CPNE4: variants seen among roughly 807,000 people sequenced by gnomAD.
CPNE4 encodes copine 4.
CPNE4 carries 25 observed loss-of-function variants against 67.9 expected under a neutral mutation model. The observed-to-expected ratio is 0.37, with a 90% CI of 0.27 to 0.51. CPNE4 has a LOEUF of 0.51. Among genes scored for constraint, CPNE4 ranks in the 20% least tolerant of loss-of-function variants. The pLI is 0.93. For synonymous variants in CPNE4, 242 were observed against 244.9 expected, an observed-to-expected ratio of 0.99 and a Z score of 0.11; for missense variants, 464 against 690.8, an observed-to-expected ratio of 0.67 and a Z score of 3.68.
In CPNE4 at chr3:131,803,819, G is replaced by T. The variant is rs546056270; in HGVS notation, c.181-80194C>A. Among the ~76,000 whole-genome samples, 55 of 152,268 alleles carry T rather than the reference G, an allele frequency of 3.6e-4. 1 individual carries two copies. The highest frequency in any genetic ancestry group is 1.3e-3 in the African/African-American group (54 of 41,562). On this transcript the variant is annotated intron_variant, in intron 2 of 15. Transcript: ENST00000429747. The stretch of plus-strand genomic sequence containing the variant: ...TTAAGTAAATTACGTACCTCTAATT[G>T]CTGGAACATTAAGCAGTGATCAAAA...
intron 11 of CPNE4, among the ~76,000 whole-genome samples, chr3:131,557,967 G>A (rs1559894017): frequency 6.6e-6 from 1 of 151,952 alleles, no homozygotes; most frequent in Non-Finnish European, 1.5e-5. Flanking sequence ...TTTTTGATGA[G>A]TTGAGGAGGG....
At position 131,754,815 on chromosome 3, in the gene CPNE4, T is replaced by C. The variant is rs75203148; in HGVS notation, c.181-31190A>G. ...GTGAACTCAGGGATAACATCAGATG[T>C]TTTCAAGAGAAACACAGAGGTATTT... On this transcript the variant is annotated intron_variant, in intron 2 of 15. Coordinates refer to ENST00000429747, the MANE Select transcript of CPNE4 (RefSeq NM_130808.3). 2.3e-3 allele frequency among the ~76,000 whole-genome samples: 352 copies of C among 152,288 alleles called. 2 individuals are homozygous for C. The highest frequency in any genetic ancestry group is 4.2e-3 in the Non-Finnish European group (289 of 68,018).
intron 7 of CPNE4, 72 bp downstream of exon 7, chr3:131,669,603 T>C: frequency 3.9e-6 from 5 of 1,284,118 alleles, no homozygotes; most frequent in Non-Finnish European, 3.3e-6. Flanking sequence ...TTGTCAATAT[T>C]ATTTTGAAAA....
At chr3:131,587,419 G>T in intron 8 of CPNE4, 65 bp downstream of exon 8, 1 of 992,942 alleles carries the variant, frequency 1.0e-6, no homozygotes, top group South Asian at 1.3e-5. Context: ...TGTTTCATTG[G>T]TAGCTGTGTT....
chr3:131,824,065 C>T (rs1444620302), intron 2 of CPNE4, among the ~76,000 whole-genome samples: 2 of 151,956 alleles, frequency 1.3e-5, no homozygotes, highest in Non-Finnish European at 2.9e-5. Flanking sequence ...GAAATAAAAA[C>T]ACTGATCTAG....
intron 1 of CPNE4, among the ~76,000 whole-genome samples, chr3:131,954,881 A>T (rs1190691700): frequency 1.3e-5 from 2 of 151,692 alleles, no homozygotes; most frequent in Non-Finnish European, 2.9e-5. Context: ...ACATTTTCTT[A>T]ATCCAGTCTA....
At chr3:131,929,413 T>A (rs982422003) in intron 1 of CPNE4, among the ~76,000 whole-genome samples, 1 of 152,138 alleles carries the variant, frequency 6.6e-6, no homozygotes, top group Non-Finnish European at 1.5e-5. Context: ...TTTTTCACCC[T>A]TCTTATTCCT....
chr3:131,802,871 C>T (rs568448902), intron 2 of CPNE4, among the ~76,000 whole-genome samples: 4 of 152,250 alleles, frequency 2.6e-5, no homozygotes, highest in Admixed American at 2.6e-4. Context: ...TAAAGCAAAG[C>T]TGAAAGTCAC....
At position 131,853,341 on chromosome 3, in the gene CPNE4, A is replaced by G. The variant is rs79877609; in HGVS notation, c.180+51923T>C. ...ATGGAAAAAAGCGTAAAAATATTTT[A>G]ACAAGTGGCACCGAAACAACTCGAT... is the stretch of plus-strand genomic sequence containing the variant. On this transcript the variant is annotated intron_variant, in intron 2 of 15. Coordinates refer to ENST00000429747, the MANE Select transcript of CPNE4 (RefSeq NM_130808.3). Among the ~76,000 whole-genome samples, 1,308 of 151,928 alleles carry G rather than the reference A, an allele frequency of 8.6e-3. 14 individuals carry two copies. Among genetic ancestry groups the G allele is most frequent in the African/African-American group, 0.029 (1,212 of 41,514 alleles).
intron 3 of CPNE4, among the ~76,000 whole-genome samples, chr3:131,704,981 TAAGAA>T (rs1164098261): frequency 3.9e-5 from 6 of 152,106 alleles, no homozygotes; most frequent in Non-Finnish European, 7.4e-5. Flanking sequence ...GGTGTCCTTA[TAAGAA>T]GAGACACCTG....
At chr3:131,772,744 T>A (rs1313396298) in intron 2 of CPNE4, among the ~76,000 whole-genome samples, 1 of 152,144 alleles carries the variant, frequency 6.6e-6, no homozygotes, top group Non-Finnish European at 1.5e-5. Context: ...CTTCCATTTG[T>A]GTTTCTGTTG....
rs867834540 is a variant in CPNE4, at chr3:131,721,910, A to C, written c.360+1536T>G. Among the ~76,000 whole-genome samples the C allele has an allele frequency of 9.2e-5, 14 of 152,366 alleles. No individual in the cohort carries two copies. The Middle Eastern group carries it at 0.014, about 148-fold the overall frequency. ...TGTACCTGGCAAGATCCTTTGAACTATCTGCCATCAACTCTTCAAAAGTCA... is the reference window on the plus strand; with the variant it reads ...TGTACCTGGCAAGATCCTTTGAACTCTCTGCCATCAACTCTTCAAAAGTCA... On this transcript the variant is annotated intron_variant, in intron 3 of 15. Transcript: ENST00000429747.
intron 7 of CPNE4, among the ~76,000 whole-genome samples, chr3:131,604,656 T>A (rs1939396802): frequency 6.6e-6 from 1 of 152,126 alleles, no homozygotes; most frequent in Non-Finnish European, 1.5e-5. Flanking sequence ...AACATCGGAC[T>A]CCATGTTCTT....
At chr3:131,759,528 T>G (rs990161941) in intron 2 of CPNE4, among the ~76,000 whole-genome samples, 7 of 152,044 alleles carry the variant, frequency 4.6e-5, no homozygotes, top group African/African-American at 7.2e-5. Context: ...CCCCTGCCAC[T>G]CAAGCAAACA....
At chr3:131,738,394 T>C (rs1417163764) in intron 2 of CPNE4, among the ~76,000 whole-genome samples, 1 of 152,238 alleles carries the variant, frequency 6.6e-6, no homozygotes, top group Non-Finnish European at 1.5e-5. Context: ...GACATCAGGC[T>C]TTCAAGAATT....
intron 9 of CPNE4, among the ~76,000 whole-genome samples, chr3:131,581,201 C>G (rs1937812392): frequency 6.6e-6 from 1 of 152,002 alleles, no homozygotes; most frequent in Non-Finnish European, 1.5e-5. Flanking sequence ...AAAACCAAAA[C>G]CAAACCAAAC....
chr3:131,852,283 G>A (rs2086270527), intron 2 of CPNE4, among the ~76,000 whole-genome samples: 1 of 151,834 alleles, frequency 6.6e-6, no homozygotes. Context: ...TGTAAGCAAT[G>A]TAAAAAAACC....
chr3:131,727,326 G>T (rs993205358), intron 2 of CPNE4, among the ~76,000 whole-genome samples: 1 of 152,078 alleles, frequency 6.6e-6, no homozygotes, highest in African/African-American at 2.4e-5. Context: ...CAGGCGCAGT[G>T]GCTCAAGCCT....
At chr3:132,039,123 C>T (rs574897942), upstream of CPNE4, among the ~76,000 whole-genome samples, 2 of 152,302 alleles carry the variant, frequency 1.3e-5, no homozygotes, top group South Asian at 4.1e-4. Context: ...AGATATAGAA[C>T]ATTTCTATCA....
Sources: gnomAD v4.1 joint callset for allele counts (sites outside exome capture counted in the v4.1 genomes callset) on GRCh38, gnomAD v4.1.1 for gene constraint, MANE v1.5 for transcripts, NCBI Gene and HGNC (gene_info 2026-07-23, HGNC 2026-07-21) for gene names.